The following PACRG variants were observed in gnomAD, a reference collection of about 807,000 sequenced individuals.
PACRG encodes the protein parkin coregulated.
PACRG carries 29 observed loss-of-function variants against 29.7 expected under a neutral mutation model. The ratio of observed to expected loss-of-function variants is 0.98; its 90% CI spans 0.73 to 1.33. PACRG has a LOEUF of 1.33. Among genes scored for constraint, PACRG ranks in the 40% most tolerant of loss-of-function variants. The pLI is 0.00. For missense variants in PACRG, 279 were observed against 316.2 expected (o/e 0.88, Z 0.89); for synonymous variants, 116 against 118.7 (o/e 0.98, Z 0.15).
intron 4 of PACRG, chr6:163,166,205 C>T: frequency 2.2e-6 from 1 of 456,324 alleles, no homozygotes; most frequent in South Asian, 1.5e-5. Context: ...GAGGGCAACA[C>T]TGAATCTGTC....
At chr6:163,013,335 TA>T (rs957797143) in intron 2 of PACRG, among the ~76,000 whole-genome samples, 1 of 151,930 alleles carries the variant, frequency 6.6e-6, no homozygotes, top group African/African-American at 2.4e-5. Flanking sequence ...CAATGGAGTG[TA>T]AAAGTTTTGC....
rs534900902 is a variant in PACRG, at chr6:162,970,468, A to G, written c.292-91682A>G. Among the ~76,000 whole-genome samples, 4 of 152,284 alleles carry G rather than the reference A, an allele frequency of 2.6e-5. No individual in the cohort carries two copies. The East Asian group carries it at 5.8e-4, about 22-fold the overall frequency. On this transcript the variant is annotated intron_variant, in intron 2 of 4. Transcript: ENST00000366888. Reference sequence around the variant, plus strand: ...CGTTTGGCAAGAATCCCGGCTATCGATGAAGAAACCAGCTGCTTTCCTATG... The same window carrying G: ...CGTTTGGCAAGAATCCCGGCTATCGGTGAAGAAACCAGCTGCTTTCCTATG...
intron 4 of PACRG, among the ~76,000 whole-genome samples, chr6:163,241,566 G>A (rs1443697451): frequency 6.6e-6 from 1 of 152,194 alleles, no homozygotes; most frequent in Non-Finnish European, 1.5e-5. Context: ...GGACCTGGAG[G>A]GCTGAGCTGG....
At chr6:162,800,739 T>G (rs559233247) in intron 1 of PACRG, among the ~76,000 whole-genome samples, 3 of 152,138 alleles carry the variant, frequency 2.0e-5, no homozygotes, top group Non-Finnish European at 4.4e-5. Flanking sequence ...GCTCCAAAAG[T>G]GTGTGAATGC....
chr6:163,146,423 G>A (rs1224905783), intron 4 of PACRG, among the ~76,000 whole-genome samples: 1 of 152,198 alleles, frequency 6.6e-6, no homozygotes, highest in Non-Finnish European at 1.5e-5. Flanking sequence ...AGACAAAGTC[G>A]TGAAACTCCC....
chr6:163,163,189 G>A (rs1277382327), intron 4 of PACRG, among the ~76,000 whole-genome samples: 4 of 152,128 alleles, frequency 2.6e-5, no homozygotes, highest in Non-Finnish European at 5.9e-5. Context: ...TCCCACCTAG[G>A]GGTTTTCAAC....
chr6:163,090,968 T>C lies in PACRG; in HGVS notation c.613+1560T>C, dbSNP rs151192671. Reference sequence around the variant, plus strand: ...TTTAATTGTTGCAGAAGTTGCCTCTTGTAGCTTTCCTCCCATGTGAACAGT... The same window carrying C: ...TTTAATTGTTGCAGAAGTTGCCTCTCGTAGCTTTCCTCCCATGTGAACAGT... On this transcript the variant is annotated intron_variant, in intron 4 of 4. Coordinates refer to ENST00000366888, the MANE Select transcript of PACRG (RefSeq NM_001080379.2). Among the ~76,000 whole-genome samples, 337 of 152,356 alleles carry C rather than the reference T, an allele frequency of 2.2e-3. 2 individuals are homozygous for C. The highest frequency in any genetic ancestry group is 6.8e-3 in the African/African-American group (282 of 41,588).
chr6:162,757,388 C>T (rs893566604), intron 1 of PACRG, among the ~76,000 whole-genome samples: 12 of 152,226 alleles, frequency 7.9e-5, no homozygotes, highest in Admixed American at 2.0e-4. Context: ...CTGTGGCTCA[C>T]GCCTGTAATC....
chr6:163,069,928 C>A (rs1485541029), intron 3 of PACRG, among the ~76,000 whole-genome samples: 1 of 152,086 alleles, frequency 6.6e-6, no homozygotes, highest in Non-Finnish European at 1.5e-5. Context: ...AGAAAATAAA[C>A]AAATAACATT....
rs116606588 is a variant in PACRG, at chr6:163,292,979, T to C, written c.614-21848T>C. On this transcript the variant is annotated intron_variant, in intron 4 of 4. Coordinates refer to ENST00000366888, the MANE Select transcript of PACRG (RefSeq NM_001080379.2). ...GATTTTTTTCAAAGATAGAAATAGA[T>C]ACAGATTGATCCCGAATGTAAAAAT... Among the ~76,000 whole-genome samples, 1,355 of 152,288 alleles carry C rather than the reference T, an allele frequency of 8.9e-3. 20 individuals carry two copies. The highest frequency in any genetic ancestry group is 0.031 in the African/African-American group (1,305 of 41,548).
intron 4 of PACRG, among the ~76,000 whole-genome samples, chr6:163,173,429 G>T (rs1432250601): frequency 6.6e-6 from 1 of 152,030 alleles, no homozygotes; most frequent in African/African-American, 2.4e-5. Flanking sequence ...TCCCATCCAG[G>T]CCAAAACCGT....
At chr6:162,784,989 A>G (rs1784350743) in intron 1 of PACRG, among the ~76,000 whole-genome samples, 1 of 152,220 alleles carries the variant, frequency 6.6e-6, no homozygotes, top group Non-Finnish European at 1.5e-5. Context: ...AGTAACAAGT[A>G]AATGTGCTTG....
intron 4 of PACRG, among the ~76,000 whole-genome samples, chr6:163,140,823 G>T (rs946993549): frequency 1.3e-5 from 2 of 152,056 alleles, no homozygotes; most frequent in Non-Finnish European, 1.5e-5. Context: ...TTTTGAAAAG[G>T]ATAGAAATCT....
At chr6:162,826,371 A>G (rs1788276732) in intron 2 of PACRG, among the ~76,000 whole-genome samples, 1 of 152,116 alleles carries the variant, frequency 6.6e-6, no homozygotes, top group African/African-American at 2.4e-5. Context: ...TAGTACGTGC[A>G]TGTGTATGTG....
chr6:162,782,848 T>C (rs1349248283), intron 1 of PACRG, among the ~76,000 whole-genome samples: 2 of 151,876 alleles, frequency 1.3e-5, no homozygotes, highest in Non-Finnish European at 3.0e-5. Context: ...ATATTAACTT[T>C]AATGGTAATA....
At chr6:162,920,025 C>T (rs113959812) in intron 2 of PACRG, among the ~76,000 whole-genome samples, 2,987 of 152,234 alleles carry the variant, frequency 0.02, 48 homozygotes, top group South Asian at 0.047. Flanking sequence ...CGGACTCTTC[C>T]AGTCTCAGCT....
intron 2 of PACRG, among the ~76,000 whole-genome samples, chr6:162,992,048 A>T (rs1374094033): frequency 1.4e-5 from 2 of 140,282 alleles, no homozygotes; most frequent in Non-Finnish European, 3.0e-5. Context: ...ACATTTATTG[A>T]TTTGCGTATA....
intron 1 of PACRG, among the ~76,000 whole-genome samples, chr6:162,733,273 C>T (rs1174282855): frequency 6.6e-6 from 1 of 152,104 alleles, no homozygotes; most frequent in Non-Finnish European, 1.5e-5. Context: ...TCATTGTGTT[C>T]TACTTTGTAT....
At chr6:162,824,037 C>T (rs1208755558) in intron 2 of PACRG, among the ~76,000 whole-genome samples, 1 of 152,150 alleles carries the variant, frequency 6.6e-6, no homozygotes, top group Non-Finnish European at 1.5e-5. Context: ...CCCTAAAAGG[C>T]ACAGGTACCC....
Sources: gnomAD v4.1 joint callset for allele counts (sites outside exome capture counted in the v4.1 genomes callset) on GRCh38, gnomAD v4.1.1 for gene constraint, MANE v1.5 for transcripts, NCBI Gene and HGNC (gene_info 2026-07-23, HGNC 2026-07-21) for gene names.